ADGRD1: variants seen among roughly 807,000 people sequenced by gnomAD.
ADGRD1 encodes G-protein coupled receptor 133.
ADGRD1 carries 77 observed loss-of-function variants against 113.4 expected under a neutral mutation model. The observed-to-expected ratio is 0.68, with a 90% CI of 0.57 to 0.82. ADGRD1 has a LOEUF of 0.82. Among genes scored for constraint, ADGRD1 ranks in the 40% least tolerant of loss-of-function variants. The probability of loss-of-function intolerance (pLI) is 0.00; values close to 1 mark genes in which losing one functional copy is unlikely to be tolerated. For missense variants in ADGRD1, 1,036 were observed against 1,139.1 expected, an observed-to-expected ratio of 0.91 and a Z score of 1.30; for synonymous variants, 474 against 475.0, an observed-to-expected ratio of 1.00 and a Z score of 0.03.
intron 8 of ADGRD1, chr12:130,994,322 G>T: frequency 2.4e-6 from 1 of 422,858 alleles, no homozygotes; most frequent in South Asian, 1.7e-5. Context: ...GGCTACAAGG[G>T]GTGACTGTGG....
chr12:131,131,466 T>G (rs1420324142), intron 20 of ADGRD1, among the ~76,000 whole-genome samples: 2 of 152,244 alleles, frequency 1.3e-5, no homozygotes, highest in East Asian at 3.8e-4. Context: ...CATGCCCTCA[T>G]GCCCGGATGT....
At chr12:131,132,204 G>A (rs528128526) in intron 21 of ADGRD1, among the ~76,000 whole-genome samples, 121 of 152,274 alleles carry the variant, frequency 7.9e-4, no homozygotes, top group African/African-American at 2.4e-3. Context: ...TCAGCACCTC[G>A]CCTTCCTCAC....
At chr12:131,069,619 G>A (rs976733735) in intron 13 of ADGRD1, 12 of 152,580 alleles carry the variant, frequency 7.9e-5, no homozygotes, top group Admixed American at 7.9e-4. Flanking sequence ...GTGAGGGGGT[G>A]TTAGAGATGT....
chr12:131,077,856 C>CA (rs1288270601), intron 14 of ADGRD1, among the ~76,000 whole-genome samples: 1 of 152,232 alleles, frequency 6.6e-6, no homozygotes, highest in Non-Finnish European at 1.5e-5. Context: ...TTCCGCCTCT[C>CA]AAAGTGCCTC....
At chr12:131,137,711 T>A (rs1184728525) in intron 23 of ADGRD1, 1 of 256,928 alleles carries the variant, frequency 3.9e-6, no homozygotes, top group Non-Finnish European at 7.7e-6. Flanking sequence ...AAGGGCTGCA[T>A]GATCACAAAG....
chr12:130,970,293 G>A (rs1871461717), intron 3 of ADGRD1: 1 of 152,162 alleles, frequency 6.6e-6, no homozygotes, highest in Non-Finnish European at 1.5e-5. Context: ...TAAGGTGATT[G>A]GCTTCCAAAA....
At chr12:130,995,663 A>G (rs1319011299) in intron 8 of ADGRD1, among the ~76,000 whole-genome samples, 4 of 152,218 alleles carry the variant, frequency 2.6e-5, no homozygotes, top group South Asian at 2.1e-4. Flanking sequence ...TGATTTTGCA[A>G]GAAAAACCCC....
intron 14 of ADGRD1, among the ~76,000 whole-genome samples, chr12:131,079,343 G>A (rs967431667): frequency 6.6e-6 from 1 of 152,162 alleles, no homozygotes; most frequent in East Asian, 1.9e-4. Context: ...CTTTTGTGGG[G>A]TAAACCACAC....
Position 131,002,447 on chromosome 12 carries a change from T to C in ADGRD1, c.1027-738T>C, listed in dbSNP as rs900200371. The C allele has an allele frequency of 8.0e-6, 7 of 878,262 alleles. No homozygotes were observed. In the East Asian group the frequency reaches 7.2e-4, roughly 91 times the overall value. The allele number at this position is 878,262 out of a possible 1,614,324, so 54.4% of individuals were successfully genotyped here. A position where few individuals can be genotyped will look rare whatever the true frequency, so the allele number is the denominator to read the frequency against. On this transcript the variant is annotated intron_variant, in intron 9 of 24. Transcript: ENST00000261654. ...TCCAGCTCATGAGGCTCTTCTGAAG[T>C]GCGTGTTTGTGGGAGAATGCTGAGG...
In ADGRD1 at chr12:131,108,793, G is replaced by A. The variant is rs1190872225; in HGVS notation, c.1957G>A (p.Glu653Lys). 5 of 1,614,030 alleles carry A rather than the reference G, an allele frequency of 3.1e-6. No homozygotes were observed. Among genetic ancestry groups the A allele is most frequent in the Non-Finnish European group, 3.4e-6 (4 of 1,179,968 alleles). ...GAGTGCCTTCGCATGGATGCTGGTGGAGGGGCTGCACCTCTACAGCATGGT... is the reference window on the plus strand; with the variant it reads ...GAGTGCCTTCGCATGGATGCTGGTGAAGGGGCTGCACCTCTACAGCATGGT... ...FLSAFAWMLV[E>K]GLHLYSMVIK... Residue 653 changes from glutamate (E) to lysine (K), a missense_variant, in exon 18 of 25, where the codon GAG (glutamate) becomes AAG (lysine). Glu to Lys is a moderately conservative substitution (Grantham distance 56, BLOSUM62 1). Coordinates refer to ENST00000261654, the MANE Select transcript of ADGRD1 (RefSeq NM_198827.5).
At chr12:130,987,473 A>G (rs967231337) in intron 6 of ADGRD1, 124 bp downstream of exon 6, 2 of 1,031,024 alleles carry the variant, frequency 1.9e-6, no homozygotes, top group Non-Finnish European at 2.8e-6. Context: ...GATGTGTCCT[A>G]ATGAACCTTA....
At chr12:131,071,560 C>T (rs1250638734) in intron 13 of ADGRD1, among the ~76,000 whole-genome samples, 1 of 152,198 alleles carries the variant, frequency 6.6e-6, no homozygotes, top group Non-Finnish European at 1.5e-5. Flanking sequence ...GCTCCCAGGA[C>T]ACTCAGGACC....
At chr12:131,046,525 G>GTC (rs1882814182) in intron 13 of ADGRD1, among the ~76,000 whole-genome samples, 33 of 118,604 alleles carry the variant, frequency 2.8e-4, no homozygotes, top group African/African-American at 6.5e-4. Flanking sequence ...CCTGGTCAAT[G>GTC]CTCCCTCCCT....
intron 12 of ADGRD1, among the ~76,000 whole-genome samples, chr12:131,013,843 G>C (rs1878227518): frequency 1.3e-5 from 2 of 152,188 alleles, no homozygotes; most frequent in South Asian, 2.1e-4. Context: ...CTGTTATTTT[G>C]AGCATTTCTG....
intron 13 of ADGRD1, among the ~76,000 whole-genome samples, chr12:131,046,232 GT>G: frequency 1.7e-5 from 1 of 59,720 alleles, no homozygotes; most frequent in Non-Finnish European, 3.5e-5. Context: ...TCCCTGGTCA[GT>G]GCTCCTCCCT....
chr12:130,972,062 G>A (rs970898402), intron 4 of ADGRD1, among the ~76,000 whole-genome samples: 6 of 152,122 alleles, frequency 3.9e-5, no homozygotes, highest in African/African-American at 1.2e-4. Flanking sequence ...GAACTGTCCC[G>A]GCAAGCGGTC....
intron 13 of ADGRD1, among the ~76,000 whole-genome samples, chr12:131,043,365 C>T (rs1003720426): frequency 1.3e-5 from 2 of 152,208 alleles, no homozygotes; most frequent in Admixed American, 6.5e-5. Context: ...GAGTAGGAAC[C>T]GCATCTTTGG....
intron 15 of ADGRD1, among the ~76,000 whole-genome samples, chr12:131,089,601 A>AGTGCTCCCTACCTGATGG (rs140801330): frequency 0.18 from 27,947 of 151,452 alleles, 3,493 homozygotes; most frequent in African/African-American, 0.36. Context: ...CTGGCCAGTG[A>AGTGCTCCCTACCTGATGG]GTGCTCCCTA....
At chr12:131,048,035 G>T (rs1290336179) in intron 13 of ADGRD1, among the ~76,000 whole-genome samples, 1 of 152,216 alleles carries the variant, frequency 6.6e-6, no homozygotes, top group African/African-American at 2.4e-5. Flanking sequence ...CCCTGAAGGG[G>T]GTTGGGGGCT....
Sources: allele counts gnomAD v4.1 joint callset (sites outside exome capture counted in the v4.1 genomes callset), GRCh38; gene constraint gnomAD v4.1.1; transcripts MANE v1.5; gene names NCBI Gene and HGNC (gene_info 2026-07-23, HGNC 2026-07-21).